The following CTSC variants were observed in gnomAD, a reference collection of about 807,000 sequenced individuals.
CTSC encodes the protein cathepsin C, also known as dipeptidyl peptidase 1.
CTSC carries 37 observed loss-of-function variants against 40.9 expected under a neutral mutation model. The ratio of observed to expected loss-of-function variants is 0.91; its 90% CI spans 0.70 to 1.19. The LOEUF (loss-of-function observed/expected upper bound fraction) is 1.19. Ranked by LOEUF, CTSC falls within the 50% of genes most tolerant of loss-of-function variation. CTSC has a pLI of 0.00. For synonymous variants in CTSC, 232 were observed against 207.4 expected, an observed-to-expected ratio of 1.12 and a Z score of -1.02; for missense variants, 594 against 567.3, an observed-to-expected ratio of 1.05 and a Z score of -0.48.
rs776362819 is a variant in CTSC at position 88,335,060 on chromosome 11, C to A, written c.195G>T (p.Val65=). The A allele has an allele frequency of 1.6e-5, 26 of 1,600,400 alleles. No individual in the cohort carries two copies. The East Asian group carries it at 5.6e-4, about 34-fold the overall frequency. ...CTGTATCCAGCTTCTGAAGGTACAC[C>A]ACTACTTTTTTTTCTTGTGGTCCTA... ...SVMGPQEKKV[V]VYLQKLDTAY... Residue 65 remains valine (V), a synonymous_variant, in exon 2 of 7, where the codon GTG becomes GTT. Transcript: ENST00000227266.
chr11:88,326,526 TAAAA>T, intron 2 of CTSC: 23 of 668,618 alleles, frequency 3.4e-5, no homozygotes, highest in Middle Eastern at 8.3e-4. Context: ...TTTCTTTAAG[TAAAA>T]AAAAAAAAAA....
At chr11:88,313,366 G>A (rs1484492504) in intron 2 of CTSC, among the ~76,000 whole-genome samples, 2 of 152,118 alleles carry the variant, frequency 1.3e-5, no homozygotes, top group Non-Finnish European at 2.9e-5. Context: ...CAGTGAAACA[G>A]AATCCTTTTT....
At chr11:88,313,353 C>A (rs1937809759) in intron 2 of CTSC, among the ~76,000 whole-genome samples, 1 of 152,160 alleles carries the variant, frequency 6.6e-6, no homozygotes, top group African/African-American at 2.4e-5. Context: ...CAGGTGTGAG[C>A]CACAGTGAAA....
intron 2 of CTSC, chr11:88,321,111 T>C: frequency 1.2e-6 from 1 of 803,100 alleles, no homozygotes; most frequent in Non-Finnish European, 1.5e-6. Context: ...TAGTAATTTT[T>C]AAAATTCCAT....
At chr11:88,316,986 A>G (rs1937894679) in intron 2 of CTSC, among the ~76,000 whole-genome samples, 2 of 151,448 alleles carry the variant, frequency 1.3e-5, no homozygotes, top group African/African-American at 2.4e-5. Flanking sequence ...TTTTTTTTCA[A>G]GATGGAGTCT....
intron 4 of CTSC, among the ~76,000 whole-genome samples, chr11:88,303,543 G>C (rs1937603588): frequency 6.6e-6 from 1 of 152,182 alleles, no homozygotes; most frequent in Non-Finnish European, 1.5e-5. Context: ...ATGAAGAAAT[G>C]AGTAGGGCAA....
chr11:88,311,172 G>A (rs1450934139), intron 3 of CTSC, among the ~76,000 whole-genome samples: 1 of 152,212 alleles, frequency 6.6e-6, no homozygotes, highest in Non-Finnish European at 1.5e-5. Flanking sequence ...CTAAATGAGA[G>A]AATGTTTGAA....
chr11:88,322,581 C>T (rs1938051040), intron 2 of CTSC: 1 of 152,012 alleles, frequency 6.6e-6, no homozygotes, highest in African/African-American at 2.4e-5. Context: ...AAATGATAAA[C>T]AGGATACCAC....
intron 5 of CTSC, chr11:88,299,517 A>T (rs1274897652): frequency 6.6e-6 from 1 of 152,212 alleles, no homozygotes; most frequent in Non-Finnish European, 1.5e-5. Context: ...ACTGGCTGTT[A>T]TAAGACCCAC....
intron 3 of CTSC, 32 bp from the exon 4 acceptor site, chr11:88,309,350 A>G (rs1316292371): frequency 1.3e-6 from 2 of 1,556,352 alleles, no homozygotes; most frequent in Non-Finnish European, 1.8e-6. Flanking sequence ...TTTCAGATAT[A>G]GTCTTTACTG....
At chr11:88,298,941 T>G (rs1434693010) in intron 5 of CTSC, 2 of 152,184 alleles carry the variant, frequency 1.3e-5, no homozygotes, top group African/African-American at 2.4e-5. Flanking sequence ...TCTTCTACCT[T>G]CTCTTATGTT....
Position 88,327,717 on chromosome 11 carries a change from G to A in CTSC, c.318+7220C>T, listed in dbSNP as rs796134717. 3.0e-4 allele frequency among the ~76,000 whole-genome samples: 45 copies of A among 152,284 alleles called. 1 individual carries two copies. The highest frequency in any genetic ancestry group is 1.1e-3 in the African/African-American group (44 of 41,564). On this transcript the variant is annotated intron_variant, in intron 2 of 6. Transcript: ENST00000227266. ...GATCTAAGCTGCTGTGGCCTCACAT[G>A]TTTCTCTCTTGAGGGATTCTTTTCA...
Position 88,312,504 on chromosome 11 carries a change from A to G in CTSC, c.369T>C (p.Thr123=), listed in dbSNP as rs1352187659. 6.2e-7 allele frequency: 1 copy of G among 1,614,082 alleles called. No individual in the cohort carries two copies. Among genetic ancestry groups the G allele is most frequent in the African/African-American group, 1.3e-5 (1 of 74,918 alleles). Residue 123 remains threonine, a synonymous_variant, in exon 3 of 7, where the codon ACT becomes ACC. Coordinates refer to ENST00000227266, the MANE Select transcript of CTSC (RefSeq NM_001814.6). ...KVTTYCNETM[T]GWVHDVLGRN... Reference sequence around the variant, plus strand: ...GGCCCAACACATCATGCACCCACCCAGTCATTGTCTCGTTGCAGTAAGTGG... The same window carrying G: ...GGCCCAACACATCATGCACCCACCCGGTCATTGTCTCGTTGCAGTAAGTGG...
intron 3 of CTSC, among the ~76,000 whole-genome samples, chr11:88,310,589 C>T (rs1023347879): frequency 6.6e-6 from 1 of 151,976 alleles, no homozygotes; most frequent in Admixed American, 6.6e-5. Flanking sequence ...GTCTAAAAAC[C>T]TAAGAGCACT....
rs536985437 is a variant in CTSC at position 88,316,374 on chromosome 11, C to A, written c.319-3820G>T. The stretch of plus-strand genomic sequence containing the variant: ...CTTTAATCCCAGCACTTTGGAACGC[C>A]GAGGTTGGGGGAATCACTTGAGGCC... On this transcript the variant is annotated intron_variant, in intron 2 of 6. Transcript: ENST00000227266. 1.3e-4 allele frequency among the ~76,000 whole-genome samples: 19 copies of A among 151,928 alleles called. No homozygotes were observed. The South Asian group carries it at 2.9e-3, about 23-fold the overall frequency.
chr11:88,332,714 T>C (rs1938393688), intron 2 of CTSC, among the ~76,000 whole-genome samples: 1 of 152,230 alleles, frequency 6.6e-6, no homozygotes, highest in Admixed American at 6.5e-5. Context: ...GGTTGATTTT[T>C]CTGCAGAAAA....
At chr11:88,305,266 T>C (rs1336161031) in intron 4 of CTSC, among the ~76,000 whole-genome samples, 1 of 152,206 alleles carries the variant, frequency 6.6e-6, no homozygotes, top group Non-Finnish European at 1.5e-5. Context: ...CATTCTTTTA[T>C]TCCTTTACTT....
intron 4 of CTSC, among the ~76,000 whole-genome samples, chr11:88,305,601 A>G (rs1476856388): frequency 6.6e-6 from 1 of 152,220 alleles, no homozygotes; most frequent in Non-Finnish European, 1.5e-5. Flanking sequence ...CAAGTTAAGA[A>G]TCTTTGAGAG....
intron 2 of CTSC, chr11:88,325,809 C>CT (rs1938166611): frequency 1.0e-6 from 1 of 985,720 alleles, no homozygotes; most frequent in Non-Finnish European, 1.2e-6. Flanking sequence ...GAGAAAGCCT[C>CT]TTTTTTCCCT....
Sources: allele counts gnomAD v4.1 joint callset (sites outside exome capture counted in the v4.1 genomes callset), GRCh38; gene constraint gnomAD v4.1.1; transcripts MANE v1.5; gene names NCBI Gene and HGNC (gene_info 2026-07-23, HGNC 2026-07-21).